Variants in MAP2K4 observed in about 807,000 individuals in gnomAD.
MAP2K4 encodes mitogen-activated protein kinase kinase 4, also known as dual specificity mitogen-activated protein kinase kinase 4.
A neutral mutation model predicts 48.5 loss-of-function variants in MAP2K4; 4 were observed. The ratio of observed to expected loss-of-function variants is 0.08; its 90% CI spans 0.04 to 0.19. The LOEUF is 0.19. Ranked by LOEUF, MAP2K4 falls within the 10% of genes least tolerant of loss-of-function variation. MAP2K4 has a pLI of 1.00. For missense variants in MAP2K4, 258 were observed against 493.3 expected (o/e 0.52, Z 4.52); for synonymous variants, 166 against 173.1 (o/e 0.96, Z 0.32).
At chr17:12,067,366 C>T (rs62060999) in intron 2 of MAP2K4, among the ~76,000 whole-genome samples, 25,532 of 151,964 alleles carry the variant, frequency 0.17, 2,505 homozygotes, top group South Asian at 0.3. Context: ...TGTGTTTTCT[C>T]GACCTTGTTA....
At chr17:12,125,080 A>G (rs1353442054) in intron 7 of MAP2K4, 1 of 520,894 alleles carries the variant, frequency 1.9e-6, no homozygotes, top group Non-Finnish European at 3.5e-6. Context: ...AGTTAAATGA[A>G]TTGCTTAGTG....
chr17:12,027,738 T>TAGG (rs1034376475), intron 1 of MAP2K4, among the ~76,000 whole-genome samples: 2 of 152,112 alleles, frequency 1.3e-5, no homozygotes, highest in African/African-American at 4.8e-5. Flanking sequence ...TTGGGGTTGT[T>TAGG]AGAGTCCTCA....
chr17:12,085,161 ATG>A (rs1323828099), intron 3 of MAP2K4, among the ~76,000 whole-genome samples: 2 of 152,284 alleles, frequency 1.3e-5, no homozygotes, highest in African/African-American at 4.8e-5. Context: ...TTTGTAGAAT[ATG>A]TGCGAAAAAC....
At chr17:12,094,012 T>G (rs943016938) in intron 3 of MAP2K4, among the ~76,000 whole-genome samples, 2 of 152,184 alleles carry the variant, frequency 1.3e-5, no homozygotes, top group African/African-American at 2.4e-5. Flanking sequence ...TGAAGTTGAT[T>G]TAAAAGTAAG....
chr17:12,133,620 A>G (rs1157449492), intron 9 of MAP2K4, among the ~76,000 whole-genome samples: 1 of 152,008 alleles, frequency 6.6e-6, no homozygotes, highest in African/African-American at 2.4e-5. Context: ...TTTTTAGGGG[A>G]AAAATTCTTT....
chr17:12,112,357 G>C (rs561179499), intron 6 of MAP2K4, among the ~76,000 whole-genome samples: 1 of 152,084 alleles, frequency 6.6e-6, no homozygotes, highest in South Asian at 2.1e-4. Context: ...CAGCTACTTG[G>C]GAGGCTGAAG....
chr17:12,021,232 C>T (rs1321965347), intron 1 of MAP2K4: 3 of 299,270 alleles, frequency 1.0e-5, no homozygotes, highest in Non-Finnish European at 1.8e-5. Context: ...TGCGCTTGGC[C>T]CCTGGGCCCT....
intron 8 of MAP2K4, 130 bp downstream of exon 8, chr17:12,125,501 G>GA (rs369950752): frequency 0.043 from 20,382 of 469,354 alleles, no homozygotes; most frequent in South Asian, 0.056. Context: ...TTAAGTTGCT[G>GA]AAAAAAAAAA....
At chr17:12,096,190 C>A (rs964313218) in intron 4 of MAP2K4, among the ~76,000 whole-genome samples, 10 of 150,512 alleles carry the variant, frequency 6.6e-5, no homozygotes, top group African/African-American at 2.2e-4. Flanking sequence ...CTGAAGTATA[C>A]CCATCAGACA....
chr17:12,035,116 GACTT>G (rs1426774730), intron 1 of MAP2K4, among the ~76,000 whole-genome samples: 1 of 152,190 alleles, frequency 6.6e-6, no homozygotes, highest in Non-Finnish European at 1.5e-5. Flanking sequence ...TGATTTGCAT[GACTT>G]AAAAAATTAG....
intron 4 of MAP2K4, among the ~76,000 whole-genome samples, chr17:12,103,854 T>A (rs1972022434): frequency 6.6e-6 from 1 of 152,206 alleles, no homozygotes; most frequent in Admixed American, 6.5e-5. Context: ...CAGATTTAGT[T>A]AATTTATTTT....
chr17:12,113,099 C>A, intron 6 of MAP2K4, 134 bp from the exon 7 acceptor site: 1 of 613,406 alleles, frequency 1.6e-6, no homozygotes, highest in Non-Finnish European at 2.8e-6. Flanking sequence ...AGATGTTTTA[C>A]TTCTTATATA....
intron 2 of MAP2K4, among the ~76,000 whole-genome samples, chr17:12,066,051 CT>C (rs1391240240): frequency 6.6e-6 from 1 of 151,946 alleles, no homozygotes; most frequent in African/African-American, 2.4e-5. Flanking sequence ...TAGTGTACCC[CT>C]AAGTAGCTAG....
chr17:12,110,118 T>C (rs1334643318), intron 5 of MAP2K4, among the ~76,000 whole-genome samples: 4 of 152,100 alleles, frequency 2.6e-5, no homozygotes, highest in African/African-American at 9.7e-5. Flanking sequence ...TTTAAATGAA[T>C]TATTAAACAA....
At chr17:12,078,224 C>T (rs183601787) in intron 2 of MAP2K4, among the ~76,000 whole-genome samples, 76 of 152,268 alleles carry the variant, frequency 5.0e-4, no homozygotes, top group African/African-American at 1.7e-3. Context: ...CTGATAGTTA[C>T]TGCCACAGCG....
At chr17:12,137,802 A>G (rs1165772101) in intron 9 of MAP2K4, among the ~76,000 whole-genome samples, 1 of 152,180 alleles carries the variant, frequency 6.6e-6, no homozygotes, top group Non-Finnish European at 1.5e-5. Flanking sequence ...GCTTAAAGGT[A>G]AATTTAAATA....
chr17:12,093,196 G>T (rs1971618768), intron 3 of MAP2K4, among the ~76,000 whole-genome samples: 1 of 152,186 alleles, frequency 6.6e-6, no homozygotes, highest in Non-Finnish European at 1.5e-5. Context: ...AGGCCATTCA[G>T]CTGCTCTGTG....
chr17:12,059,696 C>T (rs1359155122), intron 2 of MAP2K4, among the ~76,000 whole-genome samples: 2 of 152,170 alleles, frequency 1.3e-5, no homozygotes, highest in Non-Finnish European at 2.9e-5. Flanking sequence ...TTGGAACAGA[C>T]AGAGACTCAG....
intron 9 of MAP2K4, among the ~76,000 whole-genome samples, chr17:12,132,284 T>C (rs942407046): frequency 8.5e-5 from 13 of 152,126 alleles, no homozygotes; most frequent in East Asian, 1.9e-4. Context: ...AAAAGACATA[T>C]GTAAGAATGT....
Sources: gnomAD v4.1 joint callset for allele counts (sites outside exome capture counted in the v4.1 genomes callset) on GRCh38, gnomAD v4.1.1 for gene constraint, MANE v1.5 for transcripts, NCBI Gene and HGNC (gene_info 2026-07-23, HGNC 2026-07-21) for gene names.